Variants in CENPL observed in about 807,000 individuals in gnomAD.
CENPL encodes the protein centromere protein L, also known as interphase centromere complex protein 33.
Under a neutral mutation model 35.2 loss-of-function variants are expected in CENPL, and 20 were observed. The ratio of observed to expected loss-of-function variants is 0.57; its 90% CI spans 0.40 to 0.83. The LOEUF (loss-of-function observed/expected upper bound fraction) is 0.83. Among genes scored for constraint, CENPL ranks in the 40% least tolerant of loss-of-function variants. CENPL has a pLI of 0.00. For missense variants in CENPL, 363 were observed against 395.8 expected, an observed-to-expected ratio of 0.92 and a Z score of 0.70; for synonymous variants, 140 against 140.6, an observed-to-expected ratio of 1.00 and a Z score of 0.03.
At chr1:173,807,145 C>G in intron 4 of CENPL, 122 bp downstream of exon 4, 1 of 730,786 alleles carries the variant, frequency 1.4e-6, no homozygotes, top group Non-Finnish European at 2.0e-6. Context: ...TGATTTTGTA[C>G]ACAAACTACC....
rs538114628 is a variant in CENPL, at chr1:173,802,850, T to C, written c.963+113A>G. 4 of 702,350 alleles carry C rather than the reference T, an allele frequency of 5.7e-6. No homozygotes were observed. In the East Asian group the frequency reaches 1.1e-4, roughly 19 times the overall value. The allele number at this position is 702,350 out of a possible 1,614,324, so 43.5% of individuals were successfully genotyped here. On this transcript the variant is annotated intron_variant, in intron 5 of 5. Coordinates refer to ENST00000682279, the MANE Select transcript of CENPL (RefSeq NM_001387287.1). ...AAACCATAAAATAAAAGCTCTCTAT[T>C]GTCTTGAATACATTCAAGTGTGTTT...
chr1:173,820,997 C>T (rs1044234055), intron 2 of CENPL, among the ~76,000 whole-genome samples: 6 of 152,150 alleles, frequency 3.9e-5, no homozygotes, highest in Non-Finnish European at 7.3e-5. Context: ...ACACCAGACA[C>T]CACACAATTT....
intron 2 of CENPL, among the ~76,000 whole-genome samples, chr1:173,819,234 G>GA: frequency 6.6e-6 from 1 of 151,266 alleles, no homozygotes; most frequent in Non-Finnish European, 1.5e-5. Context: ...ACCCTCTCAA[G>GA]AAAAAAAGAA....
At chr1:173,800,584 G>T in intron 5 of CENPL, 65 bp from the exon 6 acceptor site, 2 of 661,766 alleles carry the variant, frequency 3.0e-6, no homozygotes, top group South Asian at 1.9e-5. Flanking sequence ...AAAGCAGATT[G>T]ATATTTGAAT....
intron 2 of CENPL, among the ~76,000 whole-genome samples, chr1:173,813,938 A>C (rs1438377408): frequency 6.6e-6 from 1 of 152,158 alleles, no homozygotes; most frequent in Non-Finnish European, 1.5e-5. Flanking sequence ...CCCATCTCAC[A>C]TGCAGAGACA....
At chr1:173,809,355 G>A (rs2102581846) in intron 3 of CENPL, among the ~76,000 whole-genome samples, 1 of 151,526 alleles carries the variant, frequency 6.6e-6, no homozygotes, top group South Asian at 2.1e-4. Flanking sequence ...TTGAGAGGGT[G>A]GGGAGGGTTG....
intron 2 of CENPL, among the ~76,000 whole-genome samples, chr1:173,813,162 A>G (rs1651009111): frequency 6.6e-6 from 1 of 152,256 alleles, no homozygotes; most frequent in Non-Finnish European, 1.5e-5. Flanking sequence ...GCTCCAAGAA[A>G]TATGGGACTA....
chr1:173,819,633 T>A lies in CENPL; in HGVS notation c.-8+4293A>T, dbSNP rs540977177. Among the ~76,000 whole-genome samples the A allele has an allele frequency of 1.6e-3, 248 of 152,272 alleles. 2 individuals carry two copies. Among genetic ancestry groups the A allele is most frequent in the African/African-American group, 5.0e-3 (208 of 41,570 alleles). ...TTATTAGTCTCAACTACTACACAAT[T>A]ACCCTTTTGAAAAGTTTTTTACGAA... On this transcript the variant is annotated intron_variant, in intron 2 of 5. Transcript: ENST00000682279.
intron 2 of CENPL, among the ~76,000 whole-genome samples, chr1:173,818,938 G>A (rs887875256): frequency 6.6e-6 from 1 of 152,104 alleles, no homozygotes; most frequent in African/African-American, 2.4e-5. Context: ...GTATTTCATA[G>A]AACTTCCAAA....
intron 3 of CENPL, among the ~76,000 whole-genome samples, chr1:173,807,858 C>G (rs962998848): frequency 1.9e-4 from 29 of 152,188 alleles, no homozygotes; most frequent in African/African-American, 6.8e-4. Context: ...TTCTTCACAG[C>G]ACTTATTACT....
In CENPL at chr1:173,816,246, T is replaced by C. The variant is rs1168885869; in HGVS notation, c.-7-4940A>G. 1.1e-4 allele frequency among the ~76,000 whole-genome samples: 17 copies of C among 152,228 alleles called. No individual in the cohort carries two copies. In the South Asian group the frequency reaches 2.5e-3, roughly 22 times the overall value. On this transcript the variant is annotated intron_variant, in intron 2 of 5. Coordinates refer to ENST00000682279, the MANE Select transcript of CENPL (RefSeq NM_001387287.1). ...ATAGGAAGAATCAATATCGTGAAAA[T>C]GGCCATACTGCCCAAGGTAATTTAT... is the stretch of plus-strand genomic sequence containing the variant.
Position 173,811,244 on chromosome 1 carries a change from T to A in CENPL, c.56A>T (p.Asp19Val). The change falls in exon 3 of 6, where the codon GAT becomes GTT. Residue 19 changes from aspartate (D) to valine (V), a missense_variant. Asp to Val is a radical substitution (Grantham distance 152). Transcript: ENST00000682279. Reference protein sequence around the residue: ...STPSASSRPEDYFIGATPLQK... With the variant: ...STPSASSRPEVYFIGATPLQK... ...CAGAGGAGTGGCACCTATAAAGTAA[T>A]CTTCAGGTCTTGAGGATGCACTAGG... The A allele has an allele frequency of 6.2e-7, 1 of 1,613,528 alleles. No individual in the cohort carries two copies. The highest frequency in any genetic ancestry group is 8.5e-7 in the Non-Finnish European group (1 of 1,179,478).
chr1:173,804,190 A>G (rs776476177), intron 4 of CENPL, among the ~76,000 whole-genome samples: 19 of 152,238 alleles, frequency 1.2e-4, no homozygotes, highest in Non-Finnish European at 4.4e-5. Flanking sequence ...CTAAGGCAGC[A>G]CTATCAACTT....
chr1:173,802,334 G>T (rs549578865), intron 5 of CENPL, among the ~76,000 whole-genome samples: 2 of 151,996 alleles, frequency 1.3e-5, no homozygotes, highest in East Asian at 3.9e-4. Flanking sequence ...GCCTCCCCCA[G>T]TAGCTGGGAC....
chr1:173,806,522 T>C, intron 4 of CENPL: 1 of 439,304 alleles, frequency 2.3e-6, no homozygotes, highest in Admixed American at 2.4e-5. Flanking sequence ...AGACAGAGGT[T>C]GCAGTCAACC....
intron 3 of CENPL, among the ~76,000 whole-genome samples, chr1:173,810,907 ACT>A (rs1387664920): frequency 2.0e-5 from 3 of 152,142 alleles, no homozygotes; most frequent in Non-Finnish European, 2.9e-5. Flanking sequence ...ACAGAGCAAG[ACT>A]CTGTCTCAAA....
chr1:173,805,810 C>T (rs965201608), intron 4 of CENPL, among the ~76,000 whole-genome samples: 1 of 152,010 alleles, frequency 6.6e-6, no homozygotes, highest in African/African-American at 2.4e-5. Flanking sequence ...CATCAAGCAT[C>T]ATACCAGCCT....
At chr1:173,809,334 C>T (rs1223134625) in intron 3 of CENPL, among the ~76,000 whole-genome samples, 1 of 150,248 alleles carries the variant, frequency 6.7e-6, no homozygotes, top group Non-Finnish European at 1.5e-5. Flanking sequence ...TAGAGCAAGA[C>T]TCCCAGCACT....
rs139831401 is a variant in CENPL, at chr1:173,811,224, G to A, written c.76C>T (p.Pro26Ser). ...RPEDYFIGAT[P>S]LQKRLESVRK... ...ACCGATTCTAATCGTTTCTGCAGAG[G>A]AGTGGCACCTATAAAGTAATCTTCA... Residue 26 changes from proline (P) to serine (S), a missense_variant, in exon 3 of 6, where the codon CCT becomes TCT. Pro to Ser is a moderately conservative substitution (Grantham distance 74). Coordinates refer to ENST00000682279, the MANE Select transcript of CENPL (RefSeq NM_001387287.1). The A allele has an allele frequency of 1.3e-4, 206 of 1,613,432 alleles. 2 individuals are homozygous for A. Among genetic ancestry groups the A allele is most frequent in the Middle Eastern group, 1.2e-3 (7 of 6,084 alleles).
Sources: gnomAD v4.1 joint callset for allele counts (sites outside exome capture counted in the v4.1 genomes callset) on GRCh38, gnomAD v4.1.1 for gene constraint, MANE v1.5 for transcripts, NCBI Gene and HGNC (gene_info 2026-07-23, HGNC 2026-07-21) for gene names.